Variants in PCSK5 observed in about 807,000 individuals in gnomAD.
The protein encoded by PCSK5 is proprotein convertase subtilisin/kexin type 5.
In PCSK5, 129 loss-of-function variants were observed where a neutral mutation model predicts 233.2. The observed-to-expected ratio is 0.55, with a 90% CI of 0.48 to 0.64. PCSK5 has a LOEUF of 0.64. Among genes scored for constraint, PCSK5 ranks in the 30% least tolerant of loss-of-function variants. The probability of loss-of-function intolerance (pLI) is 0.00; values close to 1 mark genes in which losing one functional copy is unlikely to be tolerated. For missense variants in PCSK5, 2,076 were observed against 2,430.1 expected, an observed-to-expected ratio of 0.85 and a Z score of 3.06; for synonymous variants, 825 against 879.2, an observed-to-expected ratio of 0.94 and a Z score of 1.09.
intron 2 of PCSK5, among the ~76,000 whole-genome samples, chr9:75,966,850 G>T (rs541207191): frequency 1.1e-4 from 16 of 152,278 alleles, no homozygotes; most frequent in African/African-American, 3.9e-4. Context: ...ATCTGGTTTT[G>T]TCCATCCTAT....
chr9:76,350,994 C>A, intron 36 of PCSK5, 66 bp downstream of exon 36: 2 of 793,316 alleles, frequency 2.5e-6, no homozygotes, highest in African/African-American at 1.7e-5. Context: ...TTACTTCCTG[C>A]ATGTCATTCT....
intron 1 of PCSK5, among the ~76,000 whole-genome samples, chr9:75,927,592 A>G (rs1012385684): frequency 6.6e-6 from 1 of 152,106 alleles, no homozygotes; most frequent in Admixed American, 6.6e-5. Flanking sequence ...GAGGCATTAG[A>G]CTGTTGAGGG....
At chr9:76,119,661 T>G (rs1222243366) in intron 9 of PCSK5, among the ~76,000 whole-genome samples, 2 of 152,088 alleles carry the variant, frequency 1.3e-5, no homozygotes, top group Non-Finnish European at 2.9e-5. Flanking sequence ...TTAATATTTT[T>G]GCATGTACAT....
intron 2 of PCSK5, among the ~76,000 whole-genome samples, chr9:75,934,944 A>C (rs901421165): frequency 1.3e-5 from 2 of 152,114 alleles, no homozygotes. Flanking sequence ...AGAATTTGCA[A>C]ACATGAAAAT....
rs1830348108 is a variant in PCSK5 at position 76,068,040 on chromosome 9, G to A, written c.718G>A (p.Gly240Arg). ...CGGAATTGCTTTCAACGCCAAGATC[G>A]GAGGTATGGGAAACCAACTCACGTG... ...TVGIAFNAKIGGVRMLDGDVT... is the reference protein window; with the variant it reads ...TVGIAFNAKIRGVRMLDGDVT... Residue 240 changes from glycine to arginine, a missense_variant, in exon 6 of 38, where the codon GGA (glycine) becomes AGA (arginine). This residue lies in a region of PCSK5 where 178 missense variants were observed against 393.6 expected (regional missense o/e 0.45). Coordinates refer to ENST00000674117, the MANE Select transcript of PCSK5 (RefSeq NM_001372043.1). 1.2e-6 allele frequency: 2 copies of A among 1,611,906 alleles called. No homozygotes were observed. Among genetic ancestry groups the A allele is most frequent in the Non-Finnish European group, 1.7e-6 (2 of 1,178,168 alleles).
At chr9:75,950,795 C>T (rs992023289) in intron 2 of PCSK5, among the ~76,000 whole-genome samples, 1 of 152,154 alleles carries the variant, frequency 6.6e-6, no homozygotes, top group Non-Finnish European at 1.5e-5. Flanking sequence ...CGAGCAAAAT[C>T]ACCAGCTAAC....
chr9:75,975,833 A>G (rs1488459784), intron 2 of PCSK5, among the ~76,000 whole-genome samples: 1 of 152,252 alleles, frequency 6.6e-6, no homozygotes, highest in Non-Finnish European at 1.5e-5. Flanking sequence ...CGAATTGCTT[A>G]GAGGATGATT....
At position 76,068,141 on chromosome 9, in the gene PCSK5, G is replaced by A. The variant is rs375869690; in HGVS notation, c.721+98G>A. The stretch of plus-strand genomic sequence containing the variant: ...TTTTTAAATGGAGGTTAAACGATTG[G>A]GCATATCTCTACCTAATAGTGTTCA... On this transcript the variant is annotated intron_variant, in intron 6 of 37. Transcript: ENST00000674117. The A allele has an allele frequency of 1.7e-4, 135 of 811,238 alleles. No homozygotes were observed. In the African/African-American group the frequency reaches 2.0e-3, roughly 12 times the overall value. 50.3% of individuals were successfully genotyped at this position (811,238 alleles called of 1,614,324 possible).
At chr9:75,955,056 T>G (rs987465740) in intron 2 of PCSK5, among the ~76,000 whole-genome samples, 6 of 152,186 alleles carry the variant, frequency 3.9e-5, no homozygotes, top group Non-Finnish European at 8.8e-5. Flanking sequence ...TCGGACTGCC[T>G]ATATGAAGGG....
At chr9:75,897,923 C>T (rs912116534) in intron 1 of PCSK5, among the ~76,000 whole-genome samples, 30 of 152,132 alleles carry the variant, frequency 2.0e-4, no homozygotes, top group African/African-American at 7.0e-4. Flanking sequence ...TTTTCAGGTA[C>T]AAGTGTCAAA....
intron 3 of PCSK5, among the ~76,000 whole-genome samples, chr9:76,003,493 C>G (rs1049525724): frequency 7.9e-5 from 12 of 152,172 alleles, no homozygotes; most frequent in African/African-American, 2.2e-4. Flanking sequence ...TTAATACCTT[C>G]CATTCACCTG....
At chr9:76,176,611 T>A (rs1823627368) in intron 14 of PCSK5, among the ~76,000 whole-genome samples, 1 of 152,230 alleles carries the variant, frequency 6.6e-6, no homozygotes, top group Non-Finnish European at 1.5e-5. Flanking sequence ...ACATAGATCA[T>A]GTCCCACTTT....
intron 24 of PCSK5, among the ~76,000 whole-genome samples, chr9:76,259,928 C>T (rs1827113895): frequency 6.6e-6 from 1 of 152,152 alleles, no homozygotes. Context: ...AGCAGCTTGC[C>T]GCCTCTCTTC....
intron 3 of PCSK5, among the ~76,000 whole-genome samples, chr9:75,986,646 A>T (rs538414799): frequency 6.6e-6 from 1 of 152,338 alleles, no homozygotes; most frequent in Non-Finnish European, 1.5e-5. Context: ...GTTCTTGAAC[A>T]TCATTGAAAT....
intron 14 of PCSK5, among the ~76,000 whole-genome samples, chr9:76,178,178 G>T (rs1334306262): frequency 6.6e-6 from 1 of 152,148 alleles, no homozygotes; most frequent in East Asian, 1.9e-4. Flanking sequence ...CACTCCCCTG[G>T]TGTACGATGG....
At chr9:76,310,383 A>T (rs531364235) in intron 29 of PCSK5, among the ~76,000 whole-genome samples, 4 of 152,312 alleles carry the variant, frequency 2.6e-5, no homozygotes, top group South Asian at 4.1e-4. Context: ...GAGTGTGTTA[A>T]TAAGACTGAT....
intron 2 of PCSK5, among the ~76,000 whole-genome samples, chr9:75,935,784 C>A (rs1290961521): frequency 6.6e-6 from 1 of 152,118 alleles, no homozygotes; most frequent in Non-Finnish European, 1.5e-5. Context: ...TCAGGTTTGG[C>A]AAGAACATTT....
chr9:76,219,358 G>A (rs1825647606), intron 20 of PCSK5, among the ~76,000 whole-genome samples: 1 of 152,052 alleles, frequency 6.6e-6, no homozygotes, highest in Non-Finnish European at 1.5e-5. Context: ...ATTTTCAAGG[G>A]GTTTAAAAGC....
chr9:75,966,207 C>A (rs1825579053), intron 2 of PCSK5, among the ~76,000 whole-genome samples: 1 of 152,170 alleles, frequency 6.6e-6, no homozygotes, highest in Middle Eastern at 3.2e-3. Context: ...GTACTCAATA[C>A]CCCACACTGG....
Sources: allele counts gnomAD v4.1 joint callset (sites outside exome capture counted in the v4.1 genomes callset), GRCh38; gene constraint gnomAD v4.1.1; regional missense constraint gnomAD v4.1.1; transcripts MANE v1.5; gene names NCBI Gene and HGNC (gene_info 2026-07-23, HGNC 2026-07-21).